The following GNAS variants were observed in gnomAD, a reference collection of about 807,000 sequenced individuals.
GNAS encodes protein ALEX.
GNAS carries 8 observed loss-of-function variants against 54.5 expected under a neutral mutation model. That is an observed-to-expected ratio of 0.15 (90% CI 0.09 to 0.26). The LOEUF is 0.26. GNAS is among the 10% of genes least tolerant of loss of function. The probability of loss-of-function intolerance (pLI) is 1.00; values close to 1 mark genes in which losing one functional copy is unlikely to be tolerated. For synonymous variants in GNAS, 204 were observed against 191.4 expected (o/e 1.07, Z -0.54); for missense variants, 170 against 529.8 (o/e 0.32, Z 6.67).
intron 1 of GNAS, chr20:58,852,720 T>A (rs1044541573): frequency 1.9e-5 from 4 of 205,496 alleles, no homozygotes; most frequent in Non-Finnish European, 4.0e-5. Flanking sequence ...GGAGAAAGAC[T>A]CCAAATCAGT....
chr20:58,905,044 A>G (rs1203150613), intron 5 of GNAS, among the ~76,000 whole-genome samples: 1 of 152,210 alleles, frequency 6.6e-6, no homozygotes, highest in Non-Finnish European at 1.5e-5. Context: ...ATTTATTGGC[A>G]TATTCTAACA....
intron 1 of GNAS, among the ~76,000 whole-genome samples, chr20:58,845,616 C>G (rs1310759315): frequency 6.6e-6 from 1 of 152,042 alleles, no homozygotes; most frequent in African/African-American, 2.4e-5. Context: ...TCTTACATAT[C>G]AAAAGGCCAT....
chr20:58,853,011 C>T lies in GNAS; in HGVS notation c.43+12125C>T. ...AGACCAAGGAAGAGGGGCTGGGGGG[C>T]AGCCTGGGGGCATGAAAAGTGGCCA... is the stretch of plus-strand genomic sequence containing the variant. On this transcript the variant is annotated intron_variant, in intron 1 of 12. Transcript: ENST00000306090. This position sits in a 1 kb window ranked among gnomAD's most constrained non-coding sequence, Gnocchi z 4.4. 7.8e-7 allele frequency: 1 copy of T among 1,288,740 alleles called. No individual in the cohort carries two copies. The highest frequency in any genetic ancestry group is 9.8e-7 in the Non-Finnish European group (1 of 1,019,926). 79.8% of individuals were successfully genotyped at this position (1,288,740 alleles called of 1,614,324 possible). A position where few individuals can be genotyped will look rare whatever the true frequency, so the allele number is the denominator to read the frequency against.
At chr20:58,884,868 T>G (rs774010173) in intron 1 of GNAS, 1 of 152,210 alleles carries the variant, frequency 6.6e-6, no homozygotes, top group Non-Finnish European at 1.5e-5. Context: ...TGGAGCTTCC[T>G]CAGTCTTCTC....
chr20:58,850,117 G>A (rs1311533207), intron 1 of GNAS, among the ~76,000 whole-genome samples: 3 of 152,104 alleles, frequency 2.0e-5, no homozygotes, highest in Non-Finnish European at 4.4e-5. Context: ...TGGGCAAACC[G>A]TCTCCCATCC....
chr20:58,903,848 A>C, intron 5 of GNAS, 57 bp downstream of exon 5: 5 of 1,596,354 alleles, frequency 3.1e-6, no homozygotes, highest in Non-Finnish European at 4.3e-6. Flanking sequence ...CACAGTGTCC[A>C]TATAGGAACA....
chr20:58,909,143 GTCTT>G lies in GNAS; in HGVS notation c.531-13_531-10del, dbSNP rs576071932. ...TGTGAGCGCTGTGAACACCCCACGT[GTCTT>G]TCTTTTTCTCCCAGCTTCCTGGACA... On this transcript the variant is annotated splice_polypyrimidine_tract_variant and intron_variant, in intron 6 of 12. Coordinates refer to ENST00000371085, the MANE Select transcript of GNAS (RefSeq NM_000516.7). The surrounding 1 kb of genome is among the most constrained non-coding windows in gnomAD (Gnocchi z 7.3). The G allele has an allele frequency of 2.5e-3, 3,950 of 1,611,806 alleles. 8 individuals carry two copies. Among genetic ancestry groups the G allele is most frequent in the Non-Finnish European group, 3.0e-3 (3,536 of 1,177,954 alleles).
chr20:58,846,347 G>A (rs1418943962), intron 1 of GNAS, among the ~76,000 whole-genome samples: 1 of 152,138 alleles, frequency 6.6e-6, no homozygotes, highest in Non-Finnish European at 1.5e-5. Flanking sequence ...ACATTAGGAA[G>A]GGCATTTTTA....
At chr20:58,855,563 T>G in intron 1 of GNAS, 1 of 718,176 alleles carries the variant, frequency 1.4e-6, no homozygotes. Context: ...GGGAGAAAAG[T>G]GGTGCCGAGC....
chr20:58,884,878 C>G (rs2088483962), intron 1 of GNAS: 3 of 151,920 alleles, frequency 2.0e-5, no homozygotes, highest in Non-Finnish European at 2.9e-5. Flanking sequence ...TCAGTCTTCT[C>G]CTGGATTTGA....
intron 1 of GNAS, among the ~76,000 whole-genome samples, chr20:58,893,200 G>T (rs1377802300): frequency 2.7e-5 from 4 of 149,358 alleles, no homozygotes; most frequent in Admixed American, 1.3e-4. Context: ...ACATTTAGTT[G>T]TTTGGTTTTG....
intron 1 of GNAS, 133 bp downstream of exon 1, chr20:58,891,998 T>TG: frequency 2.7e-6 from 2 of 747,422 alleles, no homozygotes; most frequent in Non-Finnish European, 1.6e-6. Flanking sequence ...GGGCTCTGTC[T>TG]GTGGGGGGCG....
At chr20:58,899,283 T>C (rs1327270317) in intron 3 of GNAS, among the ~76,000 whole-genome samples, 2 of 152,240 alleles carry the variant, frequency 1.3e-5, no homozygotes, top group Non-Finnish European at 2.9e-5. Context: ...TTTTTCCATA[T>C]GGTTTCTGTT....
At chr20:58,902,105 G>T (rs531867855) in intron 3 of GNAS, among the ~76,000 whole-genome samples, 1 of 119,354 alleles carries the variant, frequency 8.4e-6, no homozygotes, top group East Asian at 2.6e-4. Flanking sequence ...TCTCCCATTG[G>T]TTTCTGCCTC....
At position 58,853,594 on chromosome 20, in the gene GNAS, G is replaced by C; in HGVS notation, c.43+12708G>C. ...ATGCCCTTCGAGGCTGAACAGCCCAGCTTGGGAGGCTTCTGGCCTACACTG... is the reference window on the plus strand; with the variant it reads ...ATGCCCTTCGAGGCTGAACAGCCCACCTTGGGAGGCTTCTGGCCTACACTG... On this transcript the variant is annotated intron_variant, in intron 1 of 12. Transcript: ENST00000306090. The surrounding 1 kb of genome is among the most constrained non-coding windows in gnomAD (Gnocchi z 4.4). The C allele has an allele frequency of 6.2e-7, 1 of 1,613,398 alleles. No homozygotes were observed. The highest frequency in any genetic ancestry group is 8.5e-7 in the Non-Finnish European group (1 of 1,179,900).
upstream of GNAS, chr20:58,889,054 C>G: frequency 2.0e-6 from 2 of 1,008,346 alleles, no homozygotes; most frequent in Non-Finnish European, 2.4e-6. Flanking sequence ...TGGGTGCGTC[C>G]CCGGTGGGCC....
intron 1 of GNAS, chr20:58,854,562 G>A (rs757703546): frequency 6.4e-7 from 1 of 1,567,110 alleles, no homozygotes; most frequent in Non-Finnish European, 8.6e-7. Context: ...CGACTCCGGG[G>A]CAGCCCCTGC....
chr20:58,903,261 T>A, intron 3 of GNAS: 1 of 558,056 alleles, frequency 1.8e-6, no homozygotes, highest in Admixed American at 2.8e-5. Context: ...CATGAAAGAT[T>A]AAATGAGCTG....
rs1305587316 is a variant in GNAS, at chr20:58,853,110, AC to A, written c.43+12230del. Reference sequence around the variant, plus strand: ...GTCTAGGGTTCCTTCCAGGCCTTGAACCCCCCAACCTCACAAGGGTTGGAAA... The same window carrying A: ...GTCTAGGGTTCCTTCCAGGCCTTGAACCCCCAACCTCACAAGGGTTGGAAA... On this transcript the variant is annotated intron_variant, in intron 1 of 12. Transcript: ENST00000306090. This position sits in a 1 kb window ranked among gnomAD's most constrained non-coding sequence, Gnocchi z 4.4. The A allele has an allele frequency of 2.8e-6, 4 of 1,422,912 alleles. No individual in the cohort carries two copies. The highest frequency in any genetic ancestry group is 5.1e-5 in the East Asian group (2 of 39,380). 88.1% of individuals were successfully genotyped at this position (1,422,912 alleles called of 1,614,324 possible).
Sources: allele counts gnomAD v4.1 joint callset (sites outside exome capture counted in the v4.1 genomes callset), GRCh38; gene constraint gnomAD v4.1.1; non-coding constraint Gnocchi (gnomAD v3.1); transcripts MANE v1.5; gene names NCBI Gene and HGNC (gene_info 2026-07-23, HGNC 2026-07-21).